Variants in DNER observed in about 807,000 individuals in gnomAD.
DNER encodes delta and Notch-like epidermal growth factor-related receptor.
A neutral mutation model predicts 78.2 loss-of-function variants in DNER; 33 were observed. The observed-to-expected ratio is 0.42, with a 90% CI of 0.32 to 0.56. The LOEUF (loss-of-function observed/expected upper bound fraction) is 0.56. DNER is among the 20% of genes least tolerant of loss of function. DNER has a pLI of 0.11. For missense variants in DNER, 918 were observed against 975.3 expected, an observed-to-expected ratio of 0.94 and a Z score of 0.78; for synonymous variants, 417 against 384.8, an observed-to-expected ratio of 1.08 and a Z score of -0.98.
At chr2:229,613,104 T>C (rs1439884222) in intron 1 of DNER, among the ~76,000 whole-genome samples, 2 of 152,206 alleles carry the variant, frequency 1.3e-5, no homozygotes, top group Non-Finnish European at 2.9e-5. Context: ...GCCCAGCTCT[T>C]CAGGGAAGAT....
intron 11 of DNER, among the ~76,000 whole-genome samples, chr2:229,386,267 T>C (rs1056684892): frequency 6.6e-6 from 1 of 152,192 alleles, no homozygotes; most frequent in Non-Finnish European, 1.5e-5. Context: ...TGGCTAGCCA[T>C]ATGCAGAAAA....
At chr2:229,654,347 C>T (rs976784737) in intron 1 of DNER, among the ~76,000 whole-genome samples, 1 of 152,158 alleles carries the variant, frequency 6.6e-6, no homozygotes, top group Non-Finnish European at 1.5e-5. Flanking sequence ...GACACATGCA[C>T]AGGTATGTTT....
chr2:229,537,893 T>C (rs1221219719), intron 5 of DNER, among the ~76,000 whole-genome samples: 1 of 152,212 alleles, frequency 6.6e-6, no homozygotes, highest in Non-Finnish European at 1.5e-5. Context: ...TTTTAATTTA[T>C]AATAAATGAT....
intron 8 of DNER, among the ~76,000 whole-genome samples, chr2:229,438,373 A>C (rs1419320393): frequency 6.6e-6 from 1 of 152,354 alleles, no homozygotes; most frequent in East Asian, 1.9e-4. Flanking sequence ...TTCAAACATA[A>C]GTGAGAGCCC....
At chr2:229,407,895 C>G (rs968172938) in intron 9 of DNER, among the ~76,000 whole-genome samples, 2 of 152,118 alleles carry the variant, frequency 1.3e-5, no homozygotes, top group Non-Finnish European at 2.9e-5. Context: ...AGACAATTAT[C>G]CTTATTCCTC....
At chr2:229,589,896 C>CCACATTACCACATTACCACA (rs1490546366) in intron 2 of DNER, among the ~76,000 whole-genome samples, 1 of 118,360 alleles carries the variant, frequency 8.4e-6, no homozygotes, top group Non-Finnish European at 1.7e-5. Flanking sequence ...CCTTCATAAG[C>CCACATTACCACATTACCACA]TGTGTGGTAA....
intron 1 of DNER, among the ~76,000 whole-genome samples, chr2:229,665,239 A>C (rs1196577373): frequency 6.6e-6 from 1 of 152,206 alleles, no homozygotes. Context: ...AAATGAATTC[A>C]AGACAACAAA....
intron 4 of DNER, among the ~76,000 whole-genome samples, chr2:229,562,056 G>C (rs1346135146): frequency 2.6e-5 from 4 of 152,164 alleles, no homozygotes; most frequent in African/African-American, 9.7e-5. Flanking sequence ...ATCGGTCCTA[G>C]ACCAACTACC....
At chr2:229,637,459 G>A (rs1698548320) in intron 1 of DNER, among the ~76,000 whole-genome samples, 1 of 152,176 alleles carries the variant, frequency 6.6e-6, no homozygotes, top group Admixed American at 6.5e-5. Flanking sequence ...AAATGTTAAA[G>A]TAAGCACTTA....
At chr2:229,555,795 A>AG (rs1004835597) in intron 4 of DNER, among the ~76,000 whole-genome samples, 2 of 152,222 alleles carry the variant, frequency 1.3e-5, no homozygotes, top group African/African-American at 4.8e-5. Context: ...CTAAAAAAAA[A>AG]AAAATTGCTT....
chr2:229,381,881 G>A (rs113302423), intron 11 of DNER, among the ~76,000 whole-genome samples: 9,542 of 152,242 alleles, frequency 0.063, 347 homozygotes, highest in Middle Eastern at 0.088. Flanking sequence ...CCTGCCTGCC[G>A]GCTCTGAAGA....
intron 8 of DNER, among the ~76,000 whole-genome samples, chr2:229,426,440 C>CAAAAAAAAAAAA (rs58842918): frequency 4.3e-5 from 3 of 69,212 alleles, no homozygotes; most frequent in Non-Finnish European, 2.7e-5. Context: ...GACTCCATCT[C>CAAAAAAAAAAAA]AAAAAAAAAA....
chr2:229,573,943 T>A (rs1697254701), intron 4 of DNER, among the ~76,000 whole-genome samples: 1 of 152,214 alleles, frequency 6.6e-6, no homozygotes, highest in South Asian at 2.1e-4. Context: ...CTTAAATATC[T>A]TCTGCTTAAG....
intron 4 of DNER, among the ~76,000 whole-genome samples, chr2:229,571,247 T>A (rs1374806013): frequency 6.6e-6 from 1 of 152,004 alleles, no homozygotes; most frequent in Non-Finnish European, 1.5e-5. Context: ...CTGGGCCCGA[T>A]GTGCAGGAAG....
At chr2:229,628,589 C>T (rs905075943) in intron 1 of DNER, among the ~76,000 whole-genome samples, 7 of 152,084 alleles carry the variant, frequency 4.6e-5, no homozygotes, top group African/African-American at 1.7e-4. Context: ...GCTGCTCTGA[C>T]GCGGTGGACA....
chr2:229,519,159 T>C (rs1417956604), intron 5 of DNER, among the ~76,000 whole-genome samples: 3 of 152,096 alleles, frequency 2.0e-5, no homozygotes, highest in East Asian at 3.9e-4. Context: ...GAGCCAAATA[T>C]CATGAATAAA....
chr2:229,451,942 A>T (rs1162684054), intron 7 of DNER, among the ~76,000 whole-genome samples: 1 of 152,248 alleles, frequency 6.6e-6, no homozygotes, highest in Non-Finnish European at 1.5e-5. Context: ...TAGTCCAAGT[A>T]GAAATAAAAA....
intron 1 of DNER, among the ~76,000 whole-genome samples, chr2:229,707,066 T>A (rs1287711727): frequency 6.6e-6 from 1 of 151,658 alleles, no homozygotes; most frequent in Admixed American, 6.6e-5. Context: ...CAGGCTGGAG[T>A]GCAGTGATGC....
chr2:229,533,980 G>A (rs1460519937), intron 5 of DNER, among the ~76,000 whole-genome samples: 3 of 152,232 alleles, frequency 2.0e-5, no homozygotes, highest in African/African-American at 7.2e-5. Context: ...ACATTTGGAA[G>A]CTCTGTATAA....
Sources: gnomAD v4.1 joint callset for allele counts (sites outside exome capture counted in the v4.1 genomes callset) on GRCh38, gnomAD v4.1.1 for gene constraint, MANE v1.5 for transcripts, NCBI Gene and HGNC (gene_info 2026-07-23, HGNC 2026-07-21) for gene names.